The following RTN4 variants were observed in gnomAD, a reference collection of about 807,000 sequenced individuals.
RTN4 encodes reticulon-4.
Under a neutral mutation model 90.4 loss-of-function variants are expected in RTN4, and 32 were observed. That is an observed-to-expected ratio of 0.35 (90% CI 0.27 to 0.48). The LOEUF (loss-of-function observed/expected upper bound fraction) is 0.48, where lower values mean the gene tolerates loss of function less well. Among genes scored for constraint, RTN4 ranks in the 20% least tolerant of loss-of-function variants. The pLI, the probability that RTN4 is intolerant of heterozygous loss-of-function variation, is 0.99. For missense variants in RTN4, 1,706 were observed against 1,430.2 expected (o/e 1.19, Z -3.11); for synonymous variants, 629 against 552.5 (o/e 1.14, Z -1.94).
chr2:55,107,441 G>C (rs374752521), intron 1 of RTN4, among the ~76,000 whole-genome samples: 5 of 150,206 alleles, frequency 3.3e-5, no homozygotes, highest in African/African-American at 4.9e-5. Flanking sequence ...AAGAAAGGGT[G>C]AGTGATGGCT....
At chr2:54,997,849 G>A (rs1679553281) in intron 3 of RTN4, among the ~76,000 whole-genome samples, 4 of 152,040 alleles carry the variant, frequency 2.6e-5, no homozygotes, top group African/African-American at 9.7e-5. Flanking sequence ...CTCTTTCATT[G>A]TTAAAGTTGT....
At chr2:55,055,217 A>G (rs1435660467), upstream of RTN4, among the ~76,000 whole-genome samples, 2 of 151,678 alleles carry the variant, frequency 1.3e-5, no homozygotes, top group East Asian at 3.9e-4. Context: ...CAGATACGAG[A>G]AAGTTAATTT....
intron 3 of RTN4, among the ~76,000 whole-genome samples, chr2:54,993,412 G>T (rs1679180984): frequency 6.6e-6 from 1 of 152,150 alleles, no homozygotes; most frequent in Non-Finnish European, 1.5e-5. Flanking sequence ...TAAAATTCTA[G>T]CAGTATATAA....
intron 2 of RTN4, among the ~76,000 whole-genome samples, chr2:55,063,829 G>C (rs775587520): frequency 6.6e-6 from 1 of 151,860 alleles, no homozygotes; most frequent in African/African-American, 2.4e-5. Context: ...TACAGTGAGC[G>C]GAGACTGGGC....
intron 5 of RTN4, among the ~76,000 whole-genome samples, chr2:54,980,396 A>G (rs1678023091): frequency 2.0e-5 from 3 of 152,360 alleles, no homozygotes; most frequent in South Asian, 4.1e-4. Flanking sequence ...GAAAGAATAA[A>G]TAAGTTTTCT....
At chr2:55,095,394 T>C (rs929263906) in intron 1 of RTN4, among the ~76,000 whole-genome samples, 1 of 152,224 alleles carries the variant, frequency 6.6e-6, no homozygotes, top group African/African-American at 2.4e-5. Context: ...CTACCTTCAA[T>C]TAATTTTTGT....
upstream of RTN4, among the ~76,000 whole-genome samples, chr2:55,114,965 A>G (rs1022113693): frequency 1.3e-5 from 2 of 152,182 alleles, no homozygotes; most frequent in Admixed American, 6.5e-5. Flanking sequence ...CCACACCAGC[A>G]CATGCATGTG....
the RTN4 span, among the ~76,000 whole-genome samples, chr2:55,119,136 A>G: frequency 1.3e-5 from 2 of 152,224 alleles, no homozygotes; most frequent in East Asian, 3.9e-4. Flanking sequence ...CCCAATTATT[A>G]CACCTGCAGA....
At chr2:55,041,977 T>C (rs1683105961) in intron 1 of RTN4, among the ~76,000 whole-genome samples, 1 of 152,024 alleles carries the variant, frequency 6.6e-6, no homozygotes, top group Admixed American at 6.5e-5. Context: ...AAAAGGCTAG[T>C]TTCCTTACAA....
chr2:54,998,937 A>C (rs1051276731), intron 3 of RTN4, among the ~76,000 whole-genome samples: 2 of 152,190 alleles, frequency 1.3e-5, no homozygotes, highest in East Asian at 3.8e-4. Flanking sequence ...AGGGTTAATC[A>C]TACAAGGTAA....
chr2:55,133,061 A>T, the RTN4 span, among the ~76,000 whole-genome samples: 1 of 152,002 alleles, frequency 6.6e-6, no homozygotes, highest in East Asian at 1.9e-4. Flanking sequence ...AAATACAAAA[A>T]TTAGCCAGGT....
At chr2:55,053,949 TG>T (rs1394467170), upstream of RTN4, among the ~76,000 whole-genome samples, 1 of 152,020 alleles carries the variant, frequency 6.6e-6, no homozygotes, top group East Asian at 1.9e-4. Context: ...GGAATGATAG[TG>T]GAGACTCAGA....
chr2:55,134,076 T>C, the RTN4 span, among the ~76,000 whole-genome samples: 10 of 152,116 alleles, frequency 6.6e-5, no homozygotes, highest in African/African-American at 9.7e-5. Flanking sequence ...TCAGACCATA[T>C]ATGGTAACTT....
In RTN4 at chr2:55,050,058, G is replaced by C; in HGVS notation, c.243C>G (p.Phe81Leu). Residue 81 changes from phenylalanine (F) to leucine (L), a missense_variant, in exon 1 of 9, where the codon TTC becomes TTG. Phe to Leu is a conservative substitution (Grantham distance 22, BLOSUM62 0). Transcript: ENST00000337526. This position sits in a 1 kb window ranked among gnomAD's most constrained non-coding sequence, Gnocchi z 4.6. ...GCGCCGGCGGCACGAAGTCATTTCC[G>C]AAGTCCATCAGGGGCGCGCCGGCGG... ...APAAGAPLMD[F>L]GNDFVPPAPR... 7.0e-7 allele frequency: 1 copy of C among 1,424,828 alleles called. No individual in the cohort carries two copies. Among genetic ancestry groups the C allele is most frequent in the Non-Finnish European group, 9.1e-7 (1 of 1,095,438 alleles). 88.3% of individuals were successfully genotyped at this position (1,424,828 alleles called of 1,614,324 possible). A position where few individuals can be genotyped will look rare whatever the true frequency, so the allele number is the denominator to read the frequency against.
intron 3 of RTN4, among the ~76,000 whole-genome samples, chr2:55,018,395 G>C (rs1301521623): frequency 6.6e-6 from 1 of 152,156 alleles, no homozygotes; most frequent in Non-Finnish European, 1.5e-5. Context: ...TAGTCAGTGG[G>C]AGAAGGACGC....
chr2:55,088,624 T>C (rs1051647441), intron 1 of RTN4, among the ~76,000 whole-genome samples: 2 of 152,234 alleles, frequency 1.3e-5, no homozygotes, highest in Non-Finnish European at 2.9e-5. Context: ...CTGAAAATAT[T>C]CTGCCACTTG....
At chr2:55,020,752 G>A (rs1249015339) in intron 3 of RTN4, among the ~76,000 whole-genome samples, 3 of 152,168 alleles carry the variant, frequency 2.0e-5, no homozygotes, top group African/African-American at 7.2e-5. Context: ...GCTCACACCT[G>A]TAATCCCAGC....
At chr2:55,098,720 T>C (rs757770955) in intron 1 of RTN4, among the ~76,000 whole-genome samples, 1 of 152,124 alleles carries the variant, frequency 6.6e-6, no homozygotes, top group Non-Finnish European at 1.5e-5. Flanking sequence ...AATTCATCAA[T>C]ATGCCTTTTA....
the RTN4 span, among the ~76,000 whole-genome samples, chr2:55,119,573 C>T: frequency 6.6e-6 from 1 of 152,214 alleles, no homozygotes; most frequent in Non-Finnish European, 1.5e-5. Context: ...TTATAGAGCA[C>T]TTTTCTTCAT....
Sources: allele counts gnomAD v4.1 joint callset (sites outside exome capture counted in the v4.1 genomes callset), GRCh38; gene constraint gnomAD v4.1.1; non-coding constraint Gnocchi (gnomAD v3.1); transcripts MANE v1.5; gene names NCBI Gene and HGNC (gene_info 2026-07-23, HGNC 2026-07-21).